ITPA: variants seen among roughly 807,000 people sequenced by gnomAD.
ITPA encodes inosine triphosphatase, also known as inosine triphosphate pyrophosphatase.
A neutral mutation model predicts 29.6 loss-of-function variants in ITPA; 29 were observed. The observed-to-expected ratio is 0.98, with a 90% CI of 0.73 to 1.34. The LOEUF (loss-of-function observed/expected upper bound fraction) is 1.34, where lower values mean the gene tolerates loss of function less well. ITPA is among the 40% of genes most tolerant of loss of function. ITPA has a pLI of 0.00. For synonymous variants in ITPA, 103 were observed against 99.3 expected (o/e 1.04, Z -0.22); for missense variants, 241 against 251.5 (o/e 0.96, Z 0.28).
In ITPA at chr20:3,214,016, G is replaced by C; in HGVS notation, c.221G>C (p.Cys74Ser). The change falls in exon 4 of 8, where the codon TGT becomes TCT. Residue 74 changes from cysteine to serine, a missense_variant. Physicochemically the swap from Cys to Ser is moderately radical, Grantham distance 112. Transcript: ENST00000380113. Reference protein sequence around the residue: ...VQGPVLVEDTCLCFNALGGLP... With the variant: ...VQGPVLVEDTSLCFNALGGLP... ...GGGCCCGTGCTGGTTGAGGACACTT[G>C]TCTGTGCTTCAATGCCCTTGGAGGG... is the stretch of plus-strand genomic sequence containing the variant. 1 of 1,614,202 alleles carries C rather than the reference G, an allele frequency of 6.2e-7. No individual in the cohort carries two copies. The highest frequency in any genetic ancestry group is 8.5e-7 in the Non-Finnish European group (1 of 1,180,046).
At chr20:3,204,700 C>G (rs564313697), upstream of ITPA, 140 of 1,433,894 alleles carry the variant, frequency 9.8e-5, no homozygotes, top group Non-Finnish European at 1.3e-4. Context: ...CCCTATTTCC[C>G]AATCTAGACT....
At chr20:3,225,371 C>T (rs139795083), downstream of ITPA, among the ~76,000 whole-genome samples, 91 of 152,230 alleles carry the variant, frequency 6.0e-4, no homozygotes, top group East Asian at 9.1e-3. Context: ...CTGGGACTTT[C>T]GGTCTCCACC....
upstream of ITPA, among the ~76,000 whole-genome samples, chr20:3,207,161 C>T (rs1177257403): frequency 6.6e-6 from 1 of 152,170 alleles, no homozygotes; most frequent in Non-Finnish European, 1.5e-5. Flanking sequence ...GCACTCTTGG[C>T]TCACTGCAGC....
intron 6 of ITPA, among the ~76,000 whole-genome samples, chr20:3,220,346 A>C (rs1285642431): frequency 6.6e-6 from 1 of 152,050 alleles, no homozygotes; most frequent in Non-Finnish European, 1.5e-5. Flanking sequence ...CCTGGGTTCA[A>C]GCAATTCTCC....
chr20:3,212,602 T>A (rs1568509381), intron 1 of ITPA, among the ~76,000 whole-genome samples: 1 of 152,206 alleles, frequency 6.6e-6, no homozygotes. Flanking sequence ...ATTACAGGCG[T>A]GAGCCACAGG....
chr20:3,223,908 G>A (rs1446755961), downstream of ITPA: 3 of 146,514 alleles, frequency 2.0e-5, no homozygotes, highest in Non-Finnish European at 4.4e-5. Flanking sequence ...GCAGGTGCAG[G>A]AAGTTTTTTG....
chr20:3,212,342 C>T (rs890109803), intron 1 of ITPA, among the ~76,000 whole-genome samples: 60 of 147,388 alleles, frequency 4.1e-4, no homozygotes, highest in Non-Finnish European at 5.7e-4. Context: ...TTTTTTGAGA[C>T]GGAGTCTCAC....
intron 4 of ITPA, 149 bp from the exon 5 acceptor site, chr20:3,215,132 G>C: frequency 1.3e-6 from 1 of 751,612 alleles, no homozygotes; most frequent in East Asian, 2.6e-5. Flanking sequence ...CTCCCAAAGT[G>C]CTGGGATTAT....
chr20:3,217,970 T>G (rs149878339), intron 5 of ITPA, among the ~76,000 whole-genome samples: 2 of 151,154 alleles, frequency 1.3e-5, no homozygotes, highest in Non-Finnish European at 2.9e-5. Flanking sequence ...CAGGCTGGAG[T>G]GCAGTGGCCC....
At position 3,213,941 on chromosome 20, in the gene ITPA, G is replaced by A. The variant is rs746603675; in HGVS notation, c.190-44G>A. On this transcript the variant is annotated intron_variant, in intron 3 of 7. Coordinates refer to ENST00000380113, the MANE Select transcript of ITPA (RefSeq NM_033453.4). The stretch of plus-strand genomic sequence containing the variant: ...GGGTGACCTGGACGTTCCAGGTGGG[G>A]ATGGTGATCATGGGTCTCAGGGCTG... 4 of 1,603,250 alleles carry A rather than the reference G, an allele frequency of 2.5e-6. No individual in the cohort carries two copies. The Admixed American group carries it at 6.7e-5, about 27-fold the overall frequency.
At chr20:3,205,933 G>A (rs1276222269), upstream of ITPA, among the ~76,000 whole-genome samples, 1 of 151,826 alleles carries the variant, frequency 6.6e-6, no homozygotes, top group Non-Finnish European at 1.5e-5. Context: ...GCACATGCCT[G>A]TAATCCCAGC....
downstream of ITPA, among the ~76,000 whole-genome samples, chr20:3,225,834 GC>G (rs1413206705): frequency 2.0e-5 from 3 of 152,200 alleles, no homozygotes; most frequent in African/African-American, 7.2e-5. Context: ...TTCAAGACCA[GC>G]CTGGCCAACA....
intron 6 of ITPA, among the ~76,000 whole-genome samples, chr20:3,219,634 A>G (rs1249653755): frequency 1.3e-5 from 2 of 151,526 alleles, no homozygotes; most frequent in Non-Finnish European, 2.9e-5. Context: ...AATCCCAGCT[A>G]CTGGGGAGGC....
At chr20:3,204,417 C>T (rs1342545643), upstream of ITPA, 16 of 1,000,778 alleles carry the variant, frequency 1.6e-5, no homozygotes, top group East Asian at 3.1e-4. Flanking sequence ...AGCGCACGGA[C>T]GCGCATGCGT....
chr20:3,225,372 G>C (rs997173471), downstream of ITPA, among the ~76,000 whole-genome samples: 2 of 152,106 alleles, frequency 1.3e-5, no homozygotes, highest in Non-Finnish European at 1.5e-5. Context: ...TGGGACTTTC[G>C]GTCTCCACCC....
At chr20:3,218,375 C>T (rs2067365591) in intron 5 of ITPA, 142 bp from the exon 6 acceptor site, 1 of 706,764 alleles carries the variant, frequency 1.4e-6, no homozygotes. Context: ...CTGCCTTGGG[C>T]TCTGCCGCCC....
At chr20:3,226,083 C>G (rs2067551301), downstream of ITPA, among the ~76,000 whole-genome samples, 1 of 152,180 alleles carries the variant, frequency 6.6e-6, no homozygotes. The surrounding 1 kb of genome is among the most constrained non-coding windows in gnomAD (Gnocchi z 4.4). Context: ...GTGAACCACT[C>G]TAGCAAATTA....
At chr20:3,217,979 C>G (rs556000144) in intron 5 of ITPA, among the ~76,000 whole-genome samples, 89 of 150,364 alleles carry the variant, frequency 5.9e-4, no homozygotes, top group South Asian at 1.9e-3. Context: ...GTGCAGTGGC[C>G]CGATCTCGGC....
intron 4 of ITPA, among the ~76,000 whole-genome samples, chr20:3,214,870 C>T (rs548453716): frequency 1.3e-4 from 20 of 151,946 alleles, no homozygotes; most frequent in African/African-American, 4.3e-4. Flanking sequence ...TGAGCCACCG[C>T]GCCCGGCCTG....
Sources: gnomAD v4.1 joint callset for allele counts (sites outside exome capture counted in the v4.1 genomes callset) on GRCh38, gnomAD v4.1.1 for gene constraint, Gnocchi (gnomAD v3.1) non-coding constraint, MANE v1.5 for transcripts, NCBI Gene and HGNC (gene_info 2026-07-23, HGNC 2026-07-21) for gene names.